Variants in CSKMT observed in about 807,000 individuals in gnomAD.
CSKMT encodes the protein citrate synthase-lysine N-methyltransferase CSKMT, mitochondrial.
CSKMT carries 6 observed loss-of-function variants against 4.6 expected under a neutral mutation model. The observed-to-expected ratio is 1.31, with a 90% CI of 0.72 to 2.59. CSKMT has a LOEUF of 2.59. CSKMT is among the 30% of genes most tolerant of loss of function. The pLI is 0.00. For missense variants in CSKMT, 328 were observed against 298.0 expected (o/e 1.10, Z -0.74); for synonymous variants, 142 against 128.9 (o/e 1.10, Z -0.69).
rs779273504 is a variant in CSKMT at position 62,667,613 on chromosome 11, G to A, written c.*562G>A. The A allele has an allele frequency of 1.8e-5, 29 of 1,613,974 alleles. No individual in the cohort carries two copies. The highest frequency in any genetic ancestry group is 2.3e-5 in the Non-Finnish European group (27 of 1,179,984). On this transcript the variant is annotated 3_prime_UTR_variant, in exon 3 of 3. Transcript: ENST00000532971. ...CCTGTTGAGTCCCAGAAGGGACAGT[G>A]GTTGGTGGCTTCCAGACATGCTGTG...
Position 62,667,236 on chromosome 11 carries a change from T to G in CSKMT, c.*185T>G, listed in dbSNP as rs1049283552. The G allele has an allele frequency of 4.5e-6, 3 of 666,932 alleles. No individual in the cohort carries two copies. Among genetic ancestry groups the G allele is most frequent in the Non-Finnish European group, 7.6e-6 (3 of 395,680 alleles). The allele number at this position is 666,932 out of a possible 1,614,324, so 41.3% of individuals were successfully genotyped here. ...ACTCATCTGCAGAGTGAGAATAACT[T>G]GGAGTTACGGAGATTACATACAATG... On this transcript the variant is annotated 3_prime_UTR_variant, in exon 3 of 3. Coordinates refer to ENST00000532971, the MANE Select transcript of CSKMT (RefSeq NM_001043229.2).
intron 2 of CSKMT, 37 bp downstream of exon 2, chr11:62,665,983 G>T: frequency 6.3e-7 from 1 of 1,588,664 alleles, no homozygotes; most frequent in Non-Finnish European, 8.6e-7. Context: ...GGGCAAGGTG[G>T]GGGCAGAGTG....
In CSKMT at chr11:62,665,902, T is replaced by A; in HGVS notation, c.23T>A (p.Leu8His). 6.2e-7 allele frequency: 1 copy of A among 1,613,402 alleles called. No homozygotes were observed. The highest frequency in any genetic ancestry group is 2.2e-5 in the East Asian group (1 of 44,870). MAALRRMLHLPSLMMGTC... is the reference protein window; with the variant it reads MAALRRMHHLPSLMMGTC... ...CAGATGGCCGCGCTGCGTCGAATGC[T>A]CCACTTGCCGAGCCTGATGATGGGG... The change falls in exon 2 of 3, where the codon CTC becomes CAC. Residue 8 changes from leucine to histidine, a missense_variant. Coordinates refer to ENST00000532971, the MANE Select transcript of CSKMT (RefSeq NM_001043229.2).
chr11:62,666,555 C>T lies in CSKMT; in HGVS notation c.227C>T (p.Pro76Leu), dbSNP rs1944818606. The T allele has an allele frequency of 1.2e-6, 2 of 1,614,194 alleles. No individual in the cohort carries two copies. The highest frequency in any genetic ancestry group is 1.7e-6 in the Non-Finnish European group (2 of 1,180,038). ...CTGCAGGAGGCACAGGCTGCCAGTC[C>T]TCTGCGAGTGCTGGATGTGGGCTGT... ...PLLQEAQAASPLRVLDVGCGT... is the reference protein window; with the variant it reads ...PLLQEAQAASLLRVLDVGCGT... The change falls in exon 3 of 3, where the codon CCT becomes CTT. Residue 76 changes from proline to leucine, a missense_variant. Coordinates refer to ENST00000532971, the MANE Select transcript of CSKMT (RefSeq NM_001043229.2).
In CSKMT at chr11:62,665,715, T is replaced by G. The variant is rs1944788682; in HGVS notation, c.-165T>G. The G allele has an allele frequency of 1.4e-6, 2 of 1,461,926 alleles. No individual in the cohort carries two copies. Among genetic ancestry groups the G allele is most frequent in the South Asian group, 2.7e-5 (2 of 73,204 alleles). 90.6% of individuals were successfully genotyped at this position (1,461,926 alleles called of 1,614,324 possible). A position where few individuals can be genotyped will look rare whatever the true frequency, so the allele number is the denominator to read the frequency against. ...AATAAAGGCCGTTCCTACCATAGTC[T>G]GTGTCCGCGTTCTTTTTTCCGGGAC... On this transcript the variant is annotated 5_prime_UTR_variant, in exon 2 of 3. Transcript: ENST00000532971.
chr11:62,665,776 T>C lies in CSKMT; in HGVS notation c.-104T>C. 2 of 1,536,212 alleles carry C rather than the reference T, an allele frequency of 1.3e-6. No individual in the cohort carries two copies. Among genetic ancestry groups the C allele is most frequent in the Middle Eastern group, 1.7e-4 (1 of 5,778 alleles). On this transcript the variant is annotated 5_prime_UTR_variant, in exon 2 of 3. Transcript: ENST00000532971. Reference sequence around the variant, plus strand: ...GGGGAAGCTGTACGCCGCCTTTCGCTACGCGGAATTTGCAGATCTTCCCCT... The same window carrying C: ...GGGGAAGCTGTACGCCGCCTTTCGCCACGCGGAATTTGCAGATCTTCCCCT...
At position 62,667,972 on chromosome 11, in the gene CSKMT, C is replaced by T; in HGVS notation, c.*921C>T. ...AGTTCCAACTACTCAGGAGGCTGAG[C>T]TGGGAGGACTGCTTGAACCCTGGGA... On this transcript the variant is annotated 3_prime_UTR_variant, in exon 3 of 3. Coordinates refer to ENST00000532971, the MANE Select transcript of CSKMT (RefSeq NM_001043229.2). The T allele has an allele frequency of 2.1e-6, 1 of 466,102 alleles. No individual in the cohort carries two copies. The highest frequency in any genetic ancestry group is 1.9e-5 in the African/African-American group (1 of 52,186). The allele number at this position is 466,102 out of a possible 1,614,324, so 28.9% of individuals were successfully genotyped here. A position where few individuals can be genotyped will look rare whatever the true frequency, so the allele number is the denominator to read the frequency against.
chr11:62,665,888 G>C lies in CSKMT; in HGVS notation c.9G>C (p.Ala3=), dbSNP rs765614681. The C allele has an allele frequency of 1.2e-6, 2 of 1,613,294 alleles. No individual in the cohort carries two copies. Among genetic ancestry groups the C allele is most frequent in the African/African-American group, 1.3e-5 (1 of 74,912 alleles). The part of the protein sequence containing the change: MA[A]LRRMLHLPSL... The stretch of plus-strand genomic sequence containing the variant: ...CTTACCCGAATCTCCAGATGGCCGC[G>C]CTGCGTCGAATGCTCCACTTGCCGA... The change falls in exon 2 of 3, where the codon GCG becomes GCC. Residue 3 remains alanine (A), a synonymous_variant. Transcript: ENST00000532971.
Position 62,666,424 on chromosome 11 carries a change from C to A in CSKMT, c.96C>A (p.Asp32Glu). ...CACTGGCTGATAGTTGCCTGGCGGA[C>A]CGCTGTCTCTGGGATCGGCTGCATG... ...AGSLADSCLA[D>E]RCLWDRLHAQ... Residue 32 changes from aspartate (D) to glutamate (E), a missense_variant, in exon 3 of 3, where the codon GAC becomes GAA. Transcript: ENST00000532971. 1 of 1,611,760 alleles carries A rather than the reference C, an allele frequency of 6.2e-7. No individual in the cohort carries two copies. Among genetic ancestry groups the A allele is most frequent in the African/African-American group, 1.3e-5 (1 of 75,054 alleles).
intron 2 of CSKMT, 55 bp from the exon 3 acceptor site, chr11:62,666,338 TACG>T (rs761172802): frequency 3.2e-6 from 5 of 1,552,268 alleles, no homozygotes; most frequent in Middle Eastern, 1.7e-4. Flanking sequence ...AGTGTGTATA[TACG>T]ACGTTTTTGC....
chr11:62,667,694 C>G lies in CSKMT; in HGVS notation c.*643C>G, dbSNP rs1429098352. On this transcript the variant is annotated 3_prime_UTR_variant, in exon 3 of 3. Coordinates refer to ENST00000532971, the MANE Select transcript of CSKMT (RefSeq NM_001043229.2). ...TCCTGGTCCTGCCCCCAGCTGAGTCCAGCGTTAAATGTTCTTAAAGGACTT... is the reference window on the plus strand; with the variant it reads ...TCCTGGTCCTGCCCCCAGCTGAGTCGAGCGTTAAATGTTCTTAAAGGACTT... The G allele has an allele frequency of 1.2e-6, 2 of 1,614,012 alleles. No homozygotes were observed. Among genetic ancestry groups the G allele is most frequent in the Non-Finnish European group, 1.7e-6 (2 of 1,180,030 alleles).
chr11:62,666,263 T>G (rs1194818145), intron 2 of CSKMT, 133 bp from the exon 3 acceptor site: 11 of 913,858 alleles, frequency 1.2e-5, no homozygotes, highest in Non-Finnish European at 1.9e-5. Flanking sequence ...TGAGCCATCA[T>G]TGTGCTACTG....
In CSKMT at chr11:62,668,061, A is replaced by G. The variant is rs1405769441; in HGVS notation, c.*1010A>G. The G allele has an allele frequency of 4.0e-6, 1 of 251,240 alleles. No individual in the cohort carries two copies. The highest frequency in any genetic ancestry group is 7.8e-5 in the East Asian group (1 of 12,898). The allele number at this position is 251,240 out of a possible 1,614,324, so 15.6% of individuals were successfully genotyped here. A position where few individuals can be genotyped will look rare whatever the true frequency, so the allele number is the denominator to read the frequency against. The stretch of plus-strand genomic sequence containing the variant: ...TGAGCTAAAAATTAATTTCTGTGGT[A>G]TTTTTTGCTTATAAAAAAATAGAGC... On this transcript the variant is annotated 3_prime_UTR_variant, in exon 3 of 3. Coordinates refer to ENST00000532971, the MANE Select transcript of CSKMT (RefSeq NM_001043229.2).
Position 62,666,742 on chromosome 11 carries a change from C to T in CSKMT, c.414C>T (p.Leu138=). 6.2e-7 allele frequency: 1 copy of T among 1,614,172 alleles called. No homozygotes were observed. The highest frequency in any genetic ancestry group is 8.5e-7 in the Non-Finnish European group (1 of 1,180,028). The stretch of plus-strand genomic sequence containing the variant: ...GCCCTGGACACCCTGCCTCAAGCCT[C>T]CACTTCATGCACGCCGATGCTCAGA... ...PLCPGHPASS[L]HFMHADAQNL... is the part of the protein sequence containing the mutation. Residue 138 remains leucine (L), a synonymous_variant, in exon 3 of 3, where the codon CTC becomes CTT. Transcript: ENST00000532971.
intron 1 of CSKMT, 54 bp from the exon 2 acceptor site, chr11:62,665,593 G>A (rs769379100): frequency 2.6e-6 from 4 of 1,568,006 alleles, no homozygotes; most frequent in East Asian, 2.3e-5. Context: ...AAGGACAACC[G>A]AGATCCAGCT....
rs777042192 is a variant in CSKMT at position 62,667,459 on chromosome 11, G to GA, written c.*408_*409insA. On this transcript the variant is annotated 3_prime_UTR_variant, in exon 3 of 3. Transcript: ENST00000532971. Reference sequence around the variant, plus strand: ...TCACCTGTAAAAGGAGATTGTAAGAGGATGGGTATAAGGAGCTTCATAAAC... The same window carrying GA: ...TCACCTGTAAAAGGAGATTGTAAGAGAGATGGGTATAAGGAGCTTCATAAAC... 3 of 1,515,516 alleles carry GA rather than the reference G, an allele frequency of 2.0e-6. No individual in the cohort carries two copies. In the South Asian group the frequency reaches 3.4e-5, roughly 17 times the overall value. The allele number at this position is 1,515,516 out of a possible 1,614,324, so 93.9% of individuals were successfully genotyped here.
Position 62,666,514 on chromosome 11 carries a change from G to T in CSKMT, c.186G>T (p.Gly62=), listed in dbSNP as rs1255167489. 3 of 1,614,116 alleles carry T rather than the reference G, an allele frequency of 1.9e-6. No individual in the cohort carries two copies. Among genetic ancestry groups the T allele is most frequent in the Non-Finnish European group, 2.5e-6 (3 of 1,180,046 alleles). ...DWFFGYDEVQ[G]LLLPLLQEAQ... ...TCTTTGGATACGACGAAGTCCAGGG[G>T]CTCCTACTGCCATTGCTGCAGGAGG... The change falls in exon 3 of 3, where the codon GGG becomes GGT. Residue 62 remains glycine (G), a synonymous_variant. Coordinates refer to ENST00000532971, the MANE Select transcript of CSKMT (RefSeq NM_001043229.2).
intron 2 of CSKMT, 124 bp downstream of exon 2, chr11:62,666,070 G>A (rs980334883): frequency 8.9e-7 from 1 of 1,123,398 alleles, no homozygotes; most frequent in South Asian, 1.4e-5. Context: ...ACGGTGGGCC[G>A]TGCGTGGTGG....
In CSKMT at chr11:62,667,110, TG is replaced by T; in HGVS notation, c.*60del. The T allele has an allele frequency of 6.7e-7, 1 of 1,490,822 alleles. No individual in the cohort carries two copies. Among genetic ancestry groups the T allele is most frequent in the South Asian group, 1.3e-5 (1 of 74,292 alleles). The allele number at this position is 1,490,822 out of a possible 1,614,324, so 92.3% of individuals were successfully genotyped here. ...GTGGGCAAGGAGAGGGCTGAAGAAC[TG>T]TCTTTGCAAGCTATCTGGCTGCAAA... is the stretch of plus-strand genomic sequence containing the variant. On this transcript the variant is annotated 3_prime_UTR_variant, in exon 3 of 3. Transcript: ENST00000532971.
Sources: gnomAD v4.1 joint callset for allele counts on GRCh38, gnomAD v4.1.1 for gene constraint, MANE v1.5 for transcripts, NCBI Gene and HGNC (gene_info 2026-07-23, HGNC 2026-07-21) for gene names.